SCYL2: variants seen among roughly 807,000 people sequenced by gnomAD.
SCYL2 encodes SCY1 like pseudokinase 2.
In SCYL2, 36 loss-of-function variants were observed where a neutral mutation model predicts 100.4. The ratio of observed to expected loss-of-function variants is 0.36; its 90% CI spans 0.27 to 0.47. The LOEUF (loss-of-function observed/expected upper bound fraction) is 0.47, where lower values mean the gene tolerates loss of function less well. SCYL2 is among the 20% of genes least tolerant of loss of function. The pLI is 1.00. For synonymous variants in SCYL2, 330 were observed against 359.2 expected (o/e 0.92, Z 0.92); for missense variants, 902 against 1,083.9 (o/e 0.83, Z 2.36).
At chr12:100,279,885 A>C (rs1194667024) in intron 1 of SCYL2, among the ~76,000 whole-genome samples, 1 of 152,254 alleles carries the variant, frequency 6.6e-6, no homozygotes, top group African/African-American at 2.4e-5. Context: ...CAGGGAACAG[A>C]GCATGAAGGG....
At chr12:100,273,829 A>T (rs1183309421) in intron 1 of SCYL2, among the ~76,000 whole-genome samples, 1 of 152,208 alleles carries the variant, frequency 6.6e-6, no homozygotes. Flanking sequence ...TGGAGGACTG[A>T]GTCTGCTATT....
At chr12:100,291,016 G>A (rs1329582178) in intron 2 of SCYL2, among the ~76,000 whole-genome samples, 2 of 152,054 alleles carry the variant, frequency 1.3e-5, no homozygotes, top group South Asian at 2.1e-4. Context: ...ACAAGATGGG[G>A]GATAGGAAGG....
At chr12:100,305,612 TTC>T (rs1219812014) in intron 4 of SCYL2, among the ~76,000 whole-genome samples, 1 of 150,606 alleles carries the variant, frequency 6.6e-6, no homozygotes, top group Non-Finnish European at 1.5e-5. Context: ...AGCAAACAAA[TTC>T]AAGAGCTAGC....
intron 9 of SCYL2, among the ~76,000 whole-genome samples, chr12:100,316,901 A>G (rs935530281): frequency 3.3e-5 from 5 of 152,176 alleles, no homozygotes; most frequent in Non-Finnish European, 7.4e-5. Context: ...CAGGAGTTCA[A>G]GACCAGCCTG....
chr12:100,281,019 G>GTTTTTTT (rs202048587), intron 1 of SCYL2, among the ~76,000 whole-genome samples: 9 of 50,490 alleles, frequency 1.8e-4, no homozygotes, highest in African/African-American at 2.8e-4. Context: ...TACCATCAGT[G>GTTTTTTT]TTTTTTTTTT....
chr12:100,277,028 C>A (rs1417696980), intron 1 of SCYL2, among the ~76,000 whole-genome samples: 1 of 152,006 alleles, frequency 6.6e-6, no homozygotes, highest in Non-Finnish European at 1.5e-5. Flanking sequence ...TGATTAATTT[C>A]CATATATTTG....
In SCYL2 at chr12:100,305,723, T is replaced by G. The variant is rs562645165; in HGVS notation, c.481-5321T>G. Among the ~76,000 whole-genome samples, 24 of 150,282 alleles carry G rather than the reference T, an allele frequency of 1.6e-4. No individual in the cohort carries two copies. In the South Asian group the frequency reaches 2.7e-3, roughly 17 times the overall value. On this transcript the variant is annotated intron_variant, in intron 4 of 17. Transcript: ENST00000360820. ...CAGTGAATCTAGGAGCTGGTTTTTT[T>G]TTTTTTTTTTTTTTAAAGATTAACA...
At chr12:100,311,006 GT>G (rs750425791) in intron 4 of SCYL2, 37 bp from the exon 5 acceptor site, 5 of 1,465,844 alleles carry the variant, frequency 3.4e-6, no homozygotes, top group Non-Finnish European at 4.5e-6. Context: ...ATTGAAAGGA[GT>G]TTTATTTAGT....
chr12:100,317,666 C>A, intron 9 of SCYL2, 137 bp from the exon 10 acceptor site: 1 of 1,406,626 alleles, frequency 7.1e-7, no homozygotes, highest in Non-Finnish European at 9.2e-7. Flanking sequence ...GTGTTTTTGT[C>A]TTCCACGCAT....
At position 100,340,743 on chromosome 12, in the gene SCYL2, G is replaced by T. The variant is rs1952343080; in HGVS notation, c.*1571G>T. ...CTGATTTCTGTATGGGCTGTACTTGGTTAACTTGATTTTAGAAAAAGGACT... is the reference window on the plus strand; with the variant it reads ...CTGATTTCTGTATGGGCTGTACTTGTTTAACTTGATTTTAGAAAAAGGACT... On this transcript the variant is annotated 3_prime_UTR_variant, in exon 18 of 18. Coordinates refer to ENST00000360820, the MANE Select transcript of SCYL2 (RefSeq NM_017988.6). 1 of 152,054 alleles carries T rather than the reference G, an allele frequency of 6.6e-6. No homozygotes were observed. Among genetic ancestry groups the T allele is most frequent in the African/African-American group, 2.4e-5 (1 of 41,440 alleles). The allele number at this position is 152,054 out of a possible 1,614,324, so 9.4% of individuals were successfully genotyped here. A position where few individuals can be genotyped will look rare whatever the true frequency, so the allele number is the denominator to read the frequency against.
At chr12:100,270,623 C>CT (rs559329533) in intron 1 of SCYL2, among the ~76,000 whole-genome samples, 8,221 of 125,642 alleles carry the variant, frequency 0.065, 482 homozygotes, top group African/African-American at 0.18. Context: ...ATGTTGCTTT[C>CT]TTTTTTTTTT....
At chr12:100,290,590 G>A (rs1240979562) in intron 2 of SCYL2, among the ~76,000 whole-genome samples, 1 of 152,120 alleles carries the variant, frequency 6.6e-6, no homozygotes, top group Non-Finnish European at 1.5e-5. Flanking sequence ...AAAAAAATGA[G>A]AATAAAATAG....
At chr12:100,295,713 G>GGGGAGACGGGAGAGGGAGA (rs2096319233) in intron 3 of SCYL2, among the ~76,000 whole-genome samples, 1 of 152,036 alleles carries the variant, frequency 6.6e-6, no homozygotes, top group African/African-American at 2.4e-5. Context: ...GGGAGACCGT[G>GGGGAGACGGGAGAGGGAGA]GGGAGACGGG....
At chr12:100,325,373 G>C (rs139728478) in intron 11 of SCYL2, among the ~76,000 whole-genome samples, 36 of 152,320 alleles carry the variant, frequency 2.4e-4, no homozygotes, top group African/African-American at 8.7e-4. Context: ...GTTAAGGCAT[G>C]TTGTTTACAA....
intron 1 of SCYL2, among the ~76,000 whole-genome samples, chr12:100,269,858 C>T (rs552165336): frequency 3.3e-5 from 5 of 152,266 alleles, no homozygotes; most frequent in South Asian, 2.1e-4. Context: ...GAGATACTAC[C>T]TAGGCATCTA....
chr12:100,294,448 T>G (rs1483855864), intron 3 of SCYL2, among the ~76,000 whole-genome samples: 3 of 65,824 alleles, frequency 4.6e-5, no homozygotes, highest in African/African-American at 6.3e-5. Flanking sequence ...CACTTCCCAG[T>G]AGGGGCGGCC....
rs892473701 is a variant in SCYL2, at chr12:100,340,350, A to C, written c.*1178A>C. ...CTTTATTTTTCAAAACCTTTCTCTG[A>C]TATTTTTCTTTAATTTGCTGATTAT... On this transcript the variant is annotated 3_prime_UTR_variant, in exon 18 of 18. Transcript: ENST00000360820. 1 of 152,088 alleles carries C rather than the reference A, an allele frequency of 6.6e-6. No individual in the cohort carries two copies. Among genetic ancestry groups the C allele is most frequent in the Non-Finnish European group, 1.5e-5 (1 of 67,960 alleles). 9.4% of individuals were successfully genotyped at this position (152,088 alleles called of 1,614,324 possible).
At position 100,323,812 on chromosome 12, in the gene SCYL2, T is replaced by C. The variant is rs2096358909; in HGVS notation, c.1509+174T>C. 5 of 422,186 alleles carry C rather than the reference T, an allele frequency of 1.2e-5. No homozygotes were observed. In the South Asian group the frequency reaches 2.6e-4, roughly 22 times the overall value. 26.2% of individuals were successfully genotyped at this position (422,186 alleles called of 1,614,324 possible). A position where few individuals can be genotyped will look rare whatever the true frequency, so the allele number is the denominator to read the frequency against. ...GTAGTTTTCTTTGATACATAATTTA[T>C]AATATTGCATTCCTAACCTTACTTG... On this transcript the variant is annotated intron_variant, in intron 11 of 17. Coordinates refer to ENST00000360820, the MANE Select transcript of SCYL2 (RefSeq NM_017988.6).
chr12:100,315,959 C>T (rs1486596169), intron 9 of SCYL2, among the ~76,000 whole-genome samples: 2 of 152,178 alleles, frequency 1.3e-5, no homozygotes, highest in Non-Finnish European at 2.9e-5. Context: ...AAGTTACTAT[C>T]TCAGAAGATA....
Sources: gnomAD v4.1 joint callset for allele counts (sites outside exome capture counted in the v4.1 genomes callset) on GRCh38, gnomAD v4.1.1 for gene constraint, MANE v1.5 for transcripts, NCBI Gene and HGNC (gene_info 2026-07-23, HGNC 2026-07-21) for gene names.